The following TTC29 variants were observed in gnomAD, a reference collection of about 807,000 sequenced individuals.
The protein encoded by TTC29 is tetratricopeptide repeat domain 29.
In TTC29, 49 loss-of-function variants were observed where a neutral mutation model predicts 58.1. That is an observed-to-expected ratio of 0.84 (90% CI 0.67 to 1.07). TTC29 has a LOEUF of 1.07. Ranked by LOEUF, TTC29 falls within the 50% of genes least tolerant of loss-of-function variation. TTC29 has a pLI of 0.00. For missense variants in TTC29, 582 were observed against 555.6 expected, an observed-to-expected ratio of 1.05 and a Z score of -0.48; for synonymous variants, 209 against 196.8, an observed-to-expected ratio of 1.06 and a Z score of -0.52.
intron 10 of TTC29, 29 bp downstream of exon 10, chr4:146,820,096 C>A: frequency 3.7e-6 from 6 of 1,608,760 alleles, no homozygotes; most frequent in Non-Finnish European, 5.1e-6. Flanking sequence ...CCGCAAATTT[C>A]TCTATAAACA....
In TTC29 at chr4:146,903,859, G is replaced by T. The variant is rs1274441373; in HGVS notation, c.401-130C>A. On this transcript the variant is annotated intron_variant, in intron 5 of 12. Coordinates refer to ENST00000325106, the MANE Select transcript of TTC29 (RefSeq NM_031956.4). Reference sequence around the variant, plus strand: ...TGTGATTACCAATTTTAAAAATTGGGTCTAAAAGCAAAAATTAATTTATTT... The same window carrying T: ...TGTGATTACCAATTTTAAAAATTGGTTCTAAAAGCAAAAATTAATTTATTT... The T allele has an allele frequency of 7.3e-6, 4 of 549,658 alleles. No individual in the cohort carries two copies. The South Asian group carries it at 2.0e-4, about 28-fold the overall frequency. The allele number at this position is 549,658 out of a possible 1,614,324, so 34.0% of individuals were successfully genotyped here.
At chr4:146,708,379 TATAA>T (rs1479406049) in intron 11 of TTC29, among the ~76,000 whole-genome samples, 1 of 144,780 alleles carries the variant, frequency 6.9e-6, no homozygotes, top group African/African-American at 2.5e-5. Flanking sequence ...TGTGTATATA[TATAA>T]ATACATATAT....
intron 8 of TTC29, among the ~76,000 whole-genome samples, chr4:146,841,336 C>T (rs1464787587): frequency 6.6e-6 from 1 of 152,110 alleles, no homozygotes; most frequent in Admixed American, 6.6e-5. Context: ...TCTGGCACAG[C>T]ACTGTGCATG....
At chr4:146,914,135 A>C (rs1003468585) in intron 4 of TTC29, among the ~76,000 whole-genome samples, 19 of 152,158 alleles carry the variant, frequency 1.2e-4, no homozygotes, top group African/African-American at 4.6e-4. Flanking sequence ...AGTTATTGCA[A>C]ATTATTTCTT....
At chr4:146,865,956 T>C (rs1730535266) in intron 8 of TTC29, among the ~76,000 whole-genome samples, 1 of 152,196 alleles carries the variant, frequency 6.6e-6, no homozygotes, top group Non-Finnish European at 1.5e-5. Context: ...TGCATTAGTA[T>C]GGAAGAAATT....
chr4:146,875,746 T>C (rs1731215927), intron 6 of TTC29, among the ~76,000 whole-genome samples: 1 of 152,224 alleles, frequency 6.6e-6, no homozygotes, highest in African/African-American at 2.4e-5. Flanking sequence ...TTTGGATAAT[T>C]AGAATGTAAC....
chr4:146,910,973 T>C (rs915520872), intron 4 of TTC29, among the ~76,000 whole-genome samples: 1 of 152,152 alleles, frequency 6.6e-6, no homozygotes, highest in Non-Finnish European at 1.5e-5. Flanking sequence ...TCCAGTCAAA[T>C]GGAGGGGCTC....
chr4:146,753,914 GA>G (rs1409512048), intron 11 of TTC29, among the ~76,000 whole-genome samples: 1 of 150,964 alleles, frequency 6.6e-6, no homozygotes, highest in African/African-American at 2.4e-5. Flanking sequence ...TGGGGTGGGG[GA>G]AGGGGGGAGG....
intron 6 of TTC29, among the ~76,000 whole-genome samples, chr4:146,898,877 C>A (rs778025008): frequency 2.0e-5 from 3 of 152,190 alleles, no homozygotes; most frequent in Non-Finnish European, 4.4e-5. Context: ...ACTGACCTCT[C>A]CAGTCTAGCC....
intron 11 of TTC29, among the ~76,000 whole-genome samples, chr4:146,786,963 G>GA (rs796119909): frequency 2.6e-5 from 4 of 151,676 alleles, no homozygotes; most frequent in Non-Finnish European, 2.9e-5. Context: ...AAAAAAAAGA[G>GA]AAAAAAAATT....
intron 6 of TTC29, among the ~76,000 whole-genome samples, chr4:146,881,014 T>A (rs778605777): frequency 6.6e-6 from 1 of 152,064 alleles, no homozygotes; most frequent in African/African-American, 2.4e-5. Flanking sequence ...AAATCTAAAG[T>A]TTGCAACGCA....
chr4:146,815,398 T>TA, intron 10 of TTC29, among the ~76,000 whole-genome samples: 1 of 152,320 alleles, frequency 6.6e-6, no homozygotes, highest in Non-Finnish European at 1.5e-5. Flanking sequence ...TGGATAATGT[T>TA]ACTATTTATT....
chr4:146,905,111 G>A (rs147363037), intron 5 of TTC29, among the ~76,000 whole-genome samples: 60 of 152,238 alleles, frequency 3.9e-4, no homozygotes, highest in African/African-American at 1.2e-3. Context: ...GAAAAGTAGC[G>A]CATGACCTAA....
At chr4:146,876,048 T>G (rs76979193) in intron 6 of TTC29, among the ~76,000 whole-genome samples, 10,751 of 151,050 alleles carry the variant, frequency 0.071, 483 homozygotes, top group Admixed American at 0.13. Context: ...TGGTTAAGAG[T>G]GAGTGTGGGC....
At chr4:146,894,627 A>G (rs1163936544) in intron 6 of TTC29, among the ~76,000 whole-genome samples, 2 of 152,054 alleles carry the variant, frequency 1.3e-5, no homozygotes, top group Admixed American at 1.3e-4. Context: ...ACATGTATAC[A>G]TATGTAACTA....
chr4:146,755,694 C>CTA lies in TTC29; in HGVS notation c.1330+47761_1330+47762dup, dbSNP rs143208042. Among the ~76,000 whole-genome samples the CTA allele has an allele frequency of 3.2e-3, 480 of 149,768 alleles. 2 individuals carry two copies. Among genetic ancestry groups the CTA allele is most frequent in the Middle Eastern group, 6.8e-3 (2 of 292 alleles). On this transcript the variant is annotated intron_variant, in intron 11 of 12. Coordinates refer to ENST00000325106, the MANE Select transcript of TTC29 (RefSeq NM_031956.4). Reference sequence around the variant, plus strand: ...GCTTCATGATAGTAACTTTTTTTAACTATATATATATATATCCCACAATAT... The same window carrying CTA: ...GCTTCATGATAGTAACTTTTTTTAACTATATATATATATATATCCCACAATAT...
intron 11 of TTC29, among the ~76,000 whole-genome samples, chr4:146,741,472 T>C (rs1284767355): frequency 6.6e-6 from 1 of 152,028 alleles, no homozygotes; most frequent in African/African-American, 2.4e-5. Flanking sequence ...TTCCAAATTA[T>C]CTTAAAAAAT....
intron 11 of TTC29, among the ~76,000 whole-genome samples, chr4:146,719,598 G>C (rs781536840): frequency 1.7e-4 from 26 of 152,154 alleles, no homozygotes; most frequent in Non-Finnish European, 3.4e-4. Flanking sequence ...GTTCTTAATA[G>C]TTGTTTGTCT....
chr4:146,814,724 C>CA (rs1023402149), intron 10 of TTC29, among the ~76,000 whole-genome samples: 2,996 of 34,878 alleles, frequency 0.086, 266 homozygotes, highest in Non-Finnish European at 0.13. Context: ...GACTCCATCT[C>CA]AAAAAAAAAA....
Sources: gnomAD v4.1 joint callset for allele counts (sites outside exome capture counted in the v4.1 genomes callset) on GRCh38, gnomAD v4.1.1 for gene constraint, MANE v1.5 for transcripts, NCBI Gene and HGNC (gene_info 2026-07-23, HGNC 2026-07-21) for gene names.